KLHL42: variants seen among roughly 807,000 people sequenced by gnomAD.
The protein encoded by KLHL42 is kelch like family member 42.
A neutral mutation model predicts 32.7 loss-of-function variants in KLHL42; 27 were observed. The observed-to-expected ratio is 0.83, with a 90% CI of 0.61 to 1.14. The LOEUF is 1.14. Among genes scored for constraint, KLHL42 ranks in the 50% most tolerant of loss-of-function variants. KLHL42 has a pLI of 0.00. For synonymous variants in KLHL42, 267 were observed against 248.2 expected (o/e 1.08, Z -0.71); for missense variants, 491 against 560.8 (o/e 0.88, Z 1.26).
At position 27,780,585 on chromosome 12, in the gene KLHL42, A is replaced by C. The variant is rs574343206; in HGVS notation, c.255A>C (p.Glu85Asp). The C allele has an allele frequency of 6.5e-7, 1 of 1,540,864 alleles. No homozygotes were observed. Among genetic ancestry groups the C allele is most frequent in the African/African-American group, 1.4e-5 (1 of 72,862 alleles). Residue 85 changes from glutamate (E) to aspartate (D), a missense_variant, in exon 1 of 3, where the codon GAA becomes GAC. Transcript: ENST00000381271. The surrounding 1 kb of genome is among the most constrained non-coding windows in gnomAD (Gnocchi z 8.8). Reference sequence around the variant, plus strand: ...GCTGGCTCCTGGGCCCGCGCGGGGAAAAGGGCGGCGGGGTGGACGAGGACG... The same window carrying C: ...GCTGGCTCCTGGGCCCGCGCGGGGACAAGGGCGGCGGGGTGGACGAGGACG... ...REGWLLGPRG[E>D]KGGGVDEDEE...
rs751896082 is a variant in KLHL42 at position 27,800,372 on chromosome 12, G to GTGTATA, written c.*2207_*2208insGTATAT. The GTGTATA allele has an allele frequency of 1.0e-6, 1 of 983,752 alleles. No individual in the cohort carries two copies. The highest frequency in any genetic ancestry group is 1.8e-5 in the African/African-American group (1 of 56,318). The allele number at this position is 983,752 out of a possible 1,614,324, so 60.9% of individuals were successfully genotyped here. ...TGGGGGTGTGTGTGTGTGTGTGTGT[G>GTGTATA]TATGTTTGCATATTATAGCTCTCTT... On this transcript the variant is annotated 3_prime_UTR_variant, in exon 3 of 3. Transcript: ENST00000381271.
intron 2 of KLHL42, among the ~76,000 whole-genome samples, chr12:27,795,995 G>C (rs886616393): frequency 2.6e-5 from 4 of 152,174 alleles, no homozygotes; most frequent in Admixed American, 6.5e-5. Context: ...TGGACAGCCA[G>C]GTTACTAAGG....
At chr12:27,785,910 G>T (rs147866140) in intron 1 of KLHL42, among the ~76,000 whole-genome samples, 432 of 152,124 alleles carry the variant, frequency 2.8e-3, no homozygotes, top group African/African-American at 9.9e-3. Flanking sequence ...TTTTTACCTT[G>T]GTAACAGTCA....
chr12:27,782,521 T>C (rs151071272), intron 1 of KLHL42, among the ~76,000 whole-genome samples: 46 of 152,332 alleles, frequency 3.0e-4, no homozygotes, highest in African/African-American at 1.1e-3. Context: ...AGAAGTGTTA[T>C]TTTAAAACAA....
intron 2 of KLHL42, among the ~76,000 whole-genome samples, chr12:27,793,232 C>T (rs1190984104): frequency 6.6e-6 from 1 of 151,904 alleles, no homozygotes; most frequent in Non-Finnish European, 1.5e-5. Context: ...CATAGCAAGA[C>T]ACCTTCTCTA....
intron 2 of KLHL42, among the ~76,000 whole-genome samples, chr12:27,793,463 A>G (rs12297687): frequency 0.027 from 4,113 of 151,912 alleles, 113 homozygotes; most frequent in African/African-American, 0.073. Context: ...GGATTGCTTG[A>G]GCCAGGGGTT....
At chr12:27,786,426 T>G (rs1040390586) in intron 1 of KLHL42, among the ~76,000 whole-genome samples, 2 of 152,168 alleles carry the variant, frequency 1.3e-5, no homozygotes, top group African/African-American at 4.8e-5. Context: ...GTTTAGGTGA[T>G]GAGACAAGTA....
rs1209906443 is a variant in KLHL42, at chr12:27,801,763, G to T, written c.*3597G>T. The T allele has an allele frequency of 6.6e-6, 1 of 152,218 alleles. No homozygotes were observed. The highest frequency in any genetic ancestry group is 2.4e-5 in the African/African-American group (1 of 41,456). The allele number at this position is 152,218 out of a possible 1,614,324, so 9.4% of individuals were successfully genotyped here. Reference sequence around the variant, plus strand: ...TTAGACAGAGGAGTGAAAGAATTAAGTGGGTAGACACCAACCAAAATGACT... The same window carrying T: ...TTAGACAGAGGAGTGAAAGAATTAATTGGGTAGACACCAACCAAAATGACT... On this transcript the variant is annotated 3_prime_UTR_variant, in exon 3 of 3. Transcript: ENST00000381271.
At chr12:27,785,837 T>TATTGTAATAA (rs2062169752) in intron 1 of KLHL42, among the ~76,000 whole-genome samples, 1 of 152,246 alleles carries the variant, frequency 6.6e-6, no homozygotes, top group African/African-American at 2.4e-5. Flanking sequence ...ATTTTTACAT[T>TATTGTAATAA]ATTGTAATAA....
At chr12:27,792,073 G>T (rs2062199808) in intron 2 of KLHL42, 172 bp downstream of exon 2, 2 of 519,902 alleles carry the variant, frequency 3.8e-6, no homozygotes, top group South Asian at 5.9e-5. Flanking sequence ...GGATGATTGG[G>T]ACAGGAGGGA....
rs984170691 is a variant in KLHL42, at chr12:27,780,976, C to A, written c.646C>A (p.Pro216Thr). 1.3e-6 allele frequency: 2 copies of A among 1,599,442 alleles called. No homozygotes were observed. The highest frequency in any genetic ancestry group is 8.5e-7 in the Non-Finnish European group (1 of 1,170,298). Residue 216 changes from proline (P) to threonine (T), a missense_variant, in exon 1 of 3, where the codon CCC becomes ACC. By Grantham distance (38) the Pro-to-Thr change is conservative. This residue lies in a region of KLHL42 where 248 missense variants were observed against 329.2 expected (regional missense o/e 0.75). Coordinates refer to ENST00000381271, the MANE Select transcript of KLHL42 (RefSeq NM_020782.2). This position sits in a 1 kb window ranked among gnomAD's most constrained non-coding sequence, Gnocchi z 8.8. ...PLAPHPYQGE[P>T]PSMLRYEEMT... ...GGCCCCTCACCCCTACCAGGGGGAG[C>A]CCCCGTCCATGCTCAGGTACGAGGA...
chr12:27,781,870 C>T (rs2062150929), intron 1 of KLHL42, among the ~76,000 whole-genome samples: 1 of 152,164 alleles, frequency 6.6e-6, no homozygotes, highest in African/African-American at 2.4e-5. Flanking sequence ...CTGCAAATCT[C>T]TCCTGCCTCC....
intron 1 of KLHL42, among the ~76,000 whole-genome samples, chr12:27,784,952 C>G (rs757787033): frequency 6.6e-6 from 1 of 152,200 alleles, no homozygotes; most frequent in Non-Finnish European, 1.5e-5. Context: ...TGTGTGAATA[C>G]AGATATTAAT....
At chr12:27,781,934 G>GGGGAGAA (rs2140811021) in intron 1 of KLHL42, among the ~76,000 whole-genome samples, 1 of 152,260 alleles carries the variant, frequency 6.6e-6, no homozygotes, top group Non-Finnish European at 1.5e-5. Flanking sequence ...TGGGATGAGA[G>GGGGAGAA]GGGAGAAGGG....
chr12:27,782,872 G>A (rs752937228), intron 1 of KLHL42, among the ~76,000 whole-genome samples: 1 of 151,906 alleles, frequency 6.6e-6, no homozygotes, highest in Non-Finnish European at 1.5e-5. Flanking sequence ...TGCCCTCAGG[G>A]TACAGAAAAA....
chr12:27,791,996 G>A (rs559164011), intron 2 of KLHL42, 95 bp downstream of exon 2: 20 of 991,444 alleles, frequency 2.0e-5, no homozygotes, highest in South Asian at 2.0e-4. Flanking sequence ...CGACATATCC[G>A]AGTGTCATGT....
chr12:27,786,796 C>T (rs551840687), intron 1 of KLHL42, among the ~76,000 whole-genome samples: 3 of 144,696 alleles, frequency 2.1e-5, no homozygotes, highest in East Asian at 4.1e-4. Context: ...AATCTTGGCT[C>T]ACTGCAAGCT....
At chr12:27,788,729 A>G (rs748921403) in intron 1 of KLHL42, among the ~76,000 whole-genome samples, 5 of 152,180 alleles carry the variant, frequency 3.3e-5, no homozygotes, top group African/African-American at 7.2e-5. Flanking sequence ...AATTTTTCTT[A>G]TAAGTGACCT....
intron 1 of KLHL42, chr12:27,788,351 A>G (rs1422470226): frequency 1.3e-5 from 2 of 152,184 alleles, no homozygotes; most frequent in East Asian, 3.8e-4. Flanking sequence ...GGTAGATGTT[A>G]TTAATCCCAT....
Sources: gnomAD v4.1 joint callset for allele counts (sites outside exome capture counted in the v4.1 genomes callset) on GRCh38, gnomAD v4.1.1 for gene constraint, gnomAD v4.1.1 regional missense constraint, Gnocchi (gnomAD v3.1) non-coding constraint, MANE v1.5 for transcripts, NCBI Gene and HGNC (gene_info 2026-07-23, HGNC 2026-07-21) for gene names.